Variants in GRIN2B observed in about 807,000 individuals in gnomAD.
The protein encoded by GRIN2B is glutamate receptor ionotropic, NMDA 2B.
Under a neutral mutation model 114.5 loss-of-function variants are expected in GRIN2B, and 5 were observed. The ratio of observed to expected loss-of-function variants is 0.04; its 90% CI spans 0.02 to 0.09. The LOEUF (loss-of-function observed/expected upper bound fraction) is 0.09. GRIN2B is among the 10% of genes least tolerant of loss of function. The pLI, the probability that GRIN2B is intolerant of heterozygous loss-of-function variation, is 1.00. For synonymous variants in GRIN2B, 787 were observed against 745.1 expected (o/e 1.06, Z -0.92); for missense variants, 1,108 against 1,943.5 (o/e 0.57, Z 8.08).
At chr12:13,812,930 A>T (rs1270403097) in intron 3 of GRIN2B, among the ~76,000 whole-genome samples, 12 of 118,388 alleles carry the variant, frequency 1.0e-4, no homozygotes, top group Middle Eastern at 5.1e-3. Flanking sequence ...AGTTTTGGGA[A>T]TTTTTTTTTT....
chr12:13,547,986 T>A lies in GRIN2B; in HGVS notation c.*14797A>T, dbSNP rs1440950133. On this transcript the variant is annotated 3_prime_UTR_variant, in exon 14 of 14. Coordinates refer to ENST00000609686, the MANE Select transcript of GRIN2B (RefSeq NM_000834.5). ...ATATATATATATATATATATATTTT[T>A]TTTTTTTTTCTGAAAGCTACAGAAG... The A allele has an allele frequency of 1.5e-5, 2 of 134,630 alleles. No homozygotes were observed. The highest frequency in any genetic ancestry group is 5.2e-5 in the African/African-American group (2 of 38,352). The allele number at this position is 134,630 out of a possible 1,614,324, so 8.3% of individuals were successfully genotyped here.
chr12:13,838,400 G>T (rs1865316169), intron 3 of GRIN2B, among the ~76,000 whole-genome samples: 1 of 152,136 alleles, frequency 6.6e-6, no homozygotes, highest in Admixed American at 6.6e-5. Context: ...AAGCACCCCA[G>T]TCCTTCAGTG....
intron 3 of GRIN2B, among the ~76,000 whole-genome samples, chr12:13,756,569 T>C (rs748126756): frequency 2.0e-5 from 3 of 152,198 alleles, no homozygotes; most frequent in Non-Finnish European, 4.4e-5. Context: ...TATTATCACA[T>C]GAGCTTCCAC....
chr12:13,721,332 AT>A, intron 4 of GRIN2B, among the ~76,000 whole-genome samples: 2 of 151,890 alleles, frequency 1.3e-5, no homozygotes, highest in Admixed American at 1.3e-4. Flanking sequence ...AAAAATTTTG[AT>A]GTGATCATCT....
At chr12:13,952,171 G>A (rs541459877) in intron 2 of GRIN2B, among the ~76,000 whole-genome samples, 15 of 152,044 alleles carry the variant, frequency 9.9e-5, no homozygotes, top group African/African-American at 3.4e-4. Context: ...TGCATGTCAG[G>A]TGCCCACACG....
chr12:13,807,709 CTTTTTTTTTT>C (rs71067726), intron 3 of GRIN2B, among the ~76,000 whole-genome samples: 241 of 77,404 alleles, frequency 3.1e-3, no homozygotes, highest in African/African-American at 0.011. Context: ...AAGCAGAAGG[CTTTTTTTTTT>C]TTTTTTTTTT....
chr12:13,955,504 C>T (rs1002833921), intron 2 of GRIN2B, among the ~76,000 whole-genome samples: 3 of 152,136 alleles, frequency 2.0e-5, no homozygotes, highest in Non-Finnish European at 4.4e-5. Flanking sequence ...GTGAGGCATT[C>T]AAATTCAAAA....
chr12:13,775,972 T>C (rs571566301), intron 3 of GRIN2B, among the ~76,000 whole-genome samples: 1 of 152,266 alleles, frequency 6.6e-6, no homozygotes, highest in African/African-American at 2.4e-5. Flanking sequence ...AAGACACATG[T>C]ACACGTATGT....
chr12:13,677,791 T>C (rs1486240358), intron 4 of GRIN2B, among the ~76,000 whole-genome samples: 2 of 152,150 alleles, frequency 1.3e-5, no homozygotes, highest in African/African-American at 2.4e-5. Context: ...TTAGAGATTC[T>C]ACAGTCTTAG....
intron 3 of GRIN2B, among the ~76,000 whole-genome samples, chr12:13,788,914 T>C (rs1050002552): frequency 6.6e-6 from 1 of 152,146 alleles, no homozygotes; most frequent in African/African-American, 2.4e-5. Flanking sequence ...TGCAAGCAAG[T>C]GGAACATGAA....
Position 13,568,309 on chromosome 12 carries a change from T to G in GRIN2B, c.2360-1046A>C, listed in dbSNP as rs1806208. Among the ~76,000 whole-genome samples the G allele has an allele frequency of 6.6e-5, 10 of 152,316 alleles. No homozygotes were observed. In the South Asian group the frequency reaches 2.1e-3, roughly 32 times the overall value. On this transcript the variant is annotated intron_variant, in intron 12 of 13. Transcript: ENST00000609686. The stretch of plus-strand genomic sequence containing the variant: ...TAGACAAGCAAAATTCTGAAAAATC[T>G]CATGGAGAAAATTGCCTATTCCCAT...
At chr12:13,823,130 T>C (rs1326741017) in intron 3 of GRIN2B, among the ~76,000 whole-genome samples, 1 of 152,084 alleles carries the variant, frequency 6.6e-6, no homozygotes, top group Non-Finnish European at 1.5e-5. Flanking sequence ...TCTTTAAAAT[T>C]GTATTGACTA....
At chr12:13,651,045 T>A (rs933756099) in intron 5 of GRIN2B, among the ~76,000 whole-genome samples, 3 of 152,132 alleles carry the variant, frequency 2.0e-5, no homozygotes, top group Admixed American at 2.0e-4. Context: ...CTTGCAAATC[T>A]GTGCTGGGAT....
chr12:13,562,957 G>T lies in GRIN2B; in HGVS notation c.4281C>A (p.Asn1427Lys), dbSNP rs1214699233. ...CATGAAGGGCCGAGACCACCGGCTTGTTGGTGACAAGGGCCCGGAAGTCCG... is the reference window on the plus strand; with the variant it reads ...CATGAAGGGCCGAGACCACCGGCTTTTTGGTGACAAGGGCCCGGAAGTCCG... ...ARPDFRALVT[N>K]KPVVSALHGA... is the part of the protein sequence containing the mutation. The change falls in exon 14 of 14, where the codon AAC becomes AAA. Residue 1427 changes from asparagine (N) to lysine (K), a missense_variant. By Grantham distance (94) the Asn-to-Lys change is moderately conservative (BLOSUM62 0). This residue lies in a region of GRIN2B where 478 missense variants were observed against 506.0 expected (regional missense o/e 0.94). Transcript: ENST00000609686. 2 of 1,614,168 alleles carry T rather than the reference G, an allele frequency of 1.2e-6. No individual in the cohort carries two copies. Among genetic ancestry groups the T allele is most frequent in the Non-Finnish European group, 1.7e-6 (2 of 1,179,994 alleles).
intron 2 of GRIN2B, among the ~76,000 whole-genome samples, chr12:13,906,806 A>G (rs981708058): frequency 6.6e-6 from 1 of 152,218 alleles, no homozygotes; most frequent in Admixed American, 6.5e-5. Flanking sequence ...AATTTGTATC[A>G]TATTAATTTG....
At chr12:13,636,739 A>G (rs1949669518) in intron 5 of GRIN2B, among the ~76,000 whole-genome samples, 1 of 152,190 alleles carries the variant, frequency 6.6e-6, no homozygotes, top group South Asian at 2.1e-4. Context: ...CAATACAGTT[A>G]TTGATACCAG....
intron 2 of GRIN2B, among the ~76,000 whole-genome samples, chr12:13,907,777 TAC>T (rs1866567578): frequency 3.6e-5 from 1 of 27,792 alleles, no homozygotes; most frequent in Non-Finnish European, 7.2e-5. Flanking sequence ...GTGTATGTTA[TAC>T]CTCAATTTTT....
intron 2 of GRIN2B, among the ~76,000 whole-genome samples, chr12:13,946,801 A>G (rs1345929079): frequency 6.6e-6 from 1 of 152,202 alleles, no homozygotes; most frequent in African/African-American, 2.4e-5. Flanking sequence ...TTTAAAATAT[A>G]TAAAAATGTA....
chr12:13,707,623 A>G (rs1950372612), intron 4 of GRIN2B, among the ~76,000 whole-genome samples: 1 of 152,128 alleles, frequency 6.6e-6, no homozygotes, highest in South Asian at 2.1e-4. Flanking sequence ...AACACTTATC[A>G]GATCTCTTGC....
Sources: allele counts gnomAD v4.1 joint callset (sites outside exome capture counted in the v4.1 genomes callset), GRCh38; gene constraint gnomAD v4.1.1; regional missense constraint gnomAD v4.1.1; transcripts MANE v1.5; gene names NCBI Gene and HGNC (gene_info 2026-07-23, HGNC 2026-07-21).